Variants in NCOA2 observed in about 807,000 individuals in gnomAD.
NCOA2 encodes class E basic helix-loop-helix protein 75.
NCOA2 carries 21 observed loss-of-function variants against 145.1 expected under a neutral mutation model. The observed-to-expected ratio is 0.14, with a 90% confidence interval of 0.10 to 0.21. The LOEUF is 0.21. NCOA2 is among the 10% of genes least tolerant of loss of function. The pLI is 1.00. For synonymous variants in NCOA2, 619 were observed against 637.5 expected (o/e 0.97, Z 0.44); for missense variants, 1,472 against 1,837.6 (o/e 0.80, Z 3.64).
At position 70,114,022 on chromosome 8, in the gene NCOA2, C is replaced by T. The variant is rs766194392; in HGVS notation, c.4384-379G>A. Among the ~76,000 whole-genome samples the T allele has an allele frequency of 2.6e-5, 4 of 152,152 alleles. No homozygotes were observed. In the East Asian group the frequency reaches 5.8e-4, roughly 22 times the overall value. On this transcript the variant is annotated intron_variant, in intron 22 of 22. Transcript: ENST00000452400. ...CACCCAGCTGCTTTTTGGCAGCATCCGATCCAGAAGGGGCCACTGCTTCCT... is the reference window on the plus strand; with the variant it reads ...CACCCAGCTGCTTTTTGGCAGCATCTGATCCAGAAGGGGCCACTGCTTCCT...
intron 4 of NCOA2, among the ~76,000 whole-genome samples, chr8:70,210,562 C>A (rs1308832721): frequency 2.6e-5 from 4 of 152,200 alleles, no homozygotes; most frequent in African/African-American, 9.7e-5. Flanking sequence ...CTACGTACAA[C>A]AGAATGCTTA....
intron 1 of NCOA2, among the ~76,000 whole-genome samples, chr8:70,320,582 G>A (rs1379650531): frequency 2.0e-5 from 3 of 152,084 alleles, no homozygotes; most frequent in East Asian, 1.9e-4. Context: ...TATAAGAAGG[G>A]TTGTAAAAGG....
chr8:70,253,276 T>A (rs1823352942), intron 2 of NCOA2, among the ~76,000 whole-genome samples: 1 of 152,122 alleles, frequency 6.6e-6, no homozygotes, highest in Non-Finnish European at 1.5e-5. Context: ...TGTCTTCTAG[T>A]TCTTTCTTTT....
chr8:70,226,679 T>TATAA (rs1820679489), intron 2 of NCOA2, among the ~76,000 whole-genome samples: 2 of 137,880 alleles, frequency 1.5e-5, no homozygotes, highest in Admixed American at 7.2e-5. Flanking sequence ...TATATATATA[T>TATAA]AAAACTATAC....
rs949510692 is a variant in NCOA2, at chr8:70,159,588, A to G, written c.1041T>C (p.Val347=). Reference sequence around the variant, plus strand: ...TGAGTTTGCTCTTCGTTTGTGCAGCAACAAGAGTGCCATCAGACAAGGAAA... The same window carrying G: ...TGAGTTTGCTCTTCGTTTGTGCAGCGACAAGAGTGCCATCAGACAAGGAAA... ...YRFSLSDGTL[V]AAQTKSKLIR... The change falls in exon 10 of 23, where the codon GTT becomes GTC. Residue 347 remains valine (V), a synonymous_variant. Transcript: ENST00000452400. 10 of 1,613,094 alleles carry G rather than the reference A, an allele frequency of 6.2e-6. No individual in the cohort carries two copies. The highest frequency in any genetic ancestry group is 8.5e-6 in the Non-Finnish European group (10 of 1,179,250).
At position 70,156,460 on chromosome 8, in the gene NCOA2, G is replaced by A. The variant is rs1301381235; in HGVS notation, c.1905C>T (p.Ser635=). 6 of 1,613,900 alleles carry A rather than the reference G, an allele frequency of 3.7e-6. No individual in the cohort carries two copies. The highest frequency in any genetic ancestry group is 5.1e-6 in the Non-Finnish European group (6 of 1,179,874). Residue 635 remains serine, a synonymous_variant, in exon 11 of 23, where the codon AGC becomes AGT. Coordinates refer to ENST00000452400, the MANE Select transcript of NCOA2 (RefSeq NM_006540.4). ...RADGQSRLHD[S]KGQTKLLQLL... is the part of the protein sequence containing the mutation. Reference sequence around the variant, plus strand: ...GCTGCAGGAGTTTGGTCTGCCCTTTGCTGTCATGCAGTCTGCTCTGCCCGT... The same window carrying A: ...GCTGCAGGAGTTTGGTCTGCCCTTTACTGTCATGCAGTCTGCTCTGCCCGT...
chr8:70,327,649 C>T (rs180705355), intron 1 of NCOA2, among the ~76,000 whole-genome samples: 11 of 152,254 alleles, frequency 7.2e-5, no homozygotes, highest in Middle Eastern at 3.4e-3. Context: ...TCAAAACACT[C>T]CAACTAAAAC....
At chr8:70,318,034 A>C (rs1335538287) in intron 1 of NCOA2, among the ~76,000 whole-genome samples, 1 of 152,246 alleles carries the variant, frequency 6.6e-6, no homozygotes, top group Non-Finnish European at 1.5e-5. Flanking sequence ...AAAAAATTCA[A>C]GTTGCAGGCC....
chr8:70,289,699 T>C (rs1205161187), intron 2 of NCOA2, among the ~76,000 whole-genome samples: 1 of 152,084 alleles, frequency 6.6e-6, no homozygotes, highest in Non-Finnish European at 1.5e-5. Context: ...AACAATTCCA[T>C]ACACAGTGGC....
the NCOA2 span, among the ~76,000 whole-genome samples, chr8:70,441,809 AAAGAAAGAAGAAAG>A: frequency 1.2e-5 from 1 of 82,992 alleles, no homozygotes; most frequent in Non-Finnish European, 2.5e-5. Context: ...AGAAAGAAAG[AAAGAAAGAAGAAAG>A]AAGAAAGAAA....
chr8:70,427,024 A>T, the NCOA2 span, among the ~76,000 whole-genome samples: 3 of 152,154 alleles, frequency 2.0e-5, no homozygotes, highest in Non-Finnish European at 4.4e-5. Context: ...GGCTCAAGTG[A>T]TCCTCCAACC....
In NCOA2 at chr8:70,279,452, TAAG is replaced by T. The variant is rs1448272429; in HGVS notation, c.-20+17289_-20+17291del. Among the ~76,000 whole-genome samples the T allele has an allele frequency of 5.3e-5, 8 of 152,306 alleles. No homozygotes were observed. In the South Asian group the frequency reaches 1.2e-3, roughly 24 times the overall value. On this transcript the variant is annotated intron_variant, in intron 2 of 22. Transcript: ENST00000452400. ...TTAGTATACCTGAATAATTCCTGAG[TAAG>T]AAGGACTTTCCTAGGCTCTGGGGTT... is the stretch of plus-strand genomic sequence containing the variant.
intron 1 of NCOA2, among the ~76,000 whole-genome samples, chr8:70,326,412 T>G (rs1326642602): frequency 6.7e-6 from 1 of 148,820 alleles, no homozygotes. Flanking sequence ...AAACTACCCT[T>G]TCTGCATTTC....
At chr8:70,351,971 G>A (rs1272664388) in intron 1 of NCOA2, among the ~76,000 whole-genome samples, 1 of 147,804 alleles carries the variant, frequency 6.8e-6, no homozygotes, top group Non-Finnish European at 1.5e-5. Context: ...TGCTAACTGG[G>A]CAATTTTTTT....
chr8:70,217,257 T>C (rs1033273992), intron 2 of NCOA2, among the ~76,000 whole-genome samples: 1 of 152,204 alleles, frequency 6.6e-6, no homozygotes, highest in Non-Finnish European at 1.5e-5. Flanking sequence ...GGTTTTCAAA[T>C]TTAACTAGGT....
chr8:70,296,593 T>A (rs983018627), intron 2 of NCOA2, among the ~76,000 whole-genome samples, 151 bp downstream of exon 2: 1 of 152,198 alleles, frequency 6.6e-6, no homozygotes, highest in Non-Finnish European at 1.5e-5. Flanking sequence ...TAAGGAACTT[T>A]CATAATAAAA....
intron 2 of NCOA2, among the ~76,000 whole-genome samples, chr8:70,218,199 G>GTTTTTTTTTTTTTTTT (rs34322124): frequency 7.5e-6 from 1 of 133,880 alleles, no homozygotes; most frequent in Non-Finnish European, 1.6e-5. Context: ...AGTGGAGTTA[G>GTTTTTTTTTTTTTTTT]TTTTTTTTTT....
At chr8:70,150,471 T>C (rs1490608087) in intron 11 of NCOA2, among the ~76,000 whole-genome samples, 1 of 152,152 alleles carries the variant, frequency 6.6e-6, no homozygotes, top group Non-Finnish European at 1.5e-5. Context: ...AGGTACATGT[T>C]CACACTATTA....
Position 70,393,043 on chromosome 8 carries a change from T to C in NCOA2, c.-77+10657A>G, listed in dbSNP as rs564703155. On this transcript the variant is annotated intron_variant, in intron 1 of 22. Coordinates refer to ENST00000452400, the MANE Select transcript of NCOA2 (RefSeq NM_006540.4). ...CTCTTTACCCCTCGGTGGGAAGACA[T>C]TGCCTCCCCTCACTCCTTCCAAGGG... Among the ~76,000 whole-genome samples the C allele has an allele frequency of 4.7e-4, 72 of 152,086 alleles. No homozygotes were observed. In the South Asian group the frequency reaches 5.8e-3, roughly 12 times the overall value.
Sources: gnomAD v4.1 joint callset for allele counts (sites outside exome capture counted in the v4.1 genomes callset) on GRCh38, gnomAD v4.1.1 for gene constraint, MANE v1.5 for transcripts, NCBI Gene and HGNC (gene_info 2026-07-23, HGNC 2026-07-21) for gene names.